The following ARHGAP6 variants were observed in gnomAD, a reference collection of about 807,000 sequenced individuals.
ARHGAP6 encodes Rho GTPase activating protein 6.
In ARHGAP6, 16 loss-of-function variants were observed where a neutral mutation model predicts 55.7. The ratio of observed to expected loss-of-function variants is 0.29; its 90% CI spans 0.19 to 0.44. ARHGAP6 has a LOEUF of 0.44. ARHGAP6 is among the 20% of genes least tolerant of loss of function. The pLI, the probability that ARHGAP6 is intolerant of heterozygous loss-of-function variation, is 1.00. For synonymous variants in ARHGAP6, 382 were observed against 360.9 expected (o/e 1.06, Z -0.66); for missense variants, 698 against 808.9 (o/e 0.86, Z 1.66).
chrX:11,542,474 C>T (rs1317335749), intron 1 of ARHGAP6, among the ~76,000 whole-genome samples: 2 of 96,053 alleles, frequency 2.1e-5, no homozygotes, highest in Non-Finnish European at 4.3e-5. Flanking sequence ...GACACCACCT[C>T]GATAAAAAGA....
chrX:11,646,487 T>C (rs753012411), intron 1 of ARHGAP6, among the ~76,000 whole-genome samples: 3 of 111,579 alleles, frequency 2.7e-5, no homozygotes, highest in Non-Finnish European at 3.8e-5. Flanking sequence ...GATTCCAAGG[T>C]TACAAAAATG....
chrX:11,396,004 T>C (rs1389853998), intron 1 of ARHGAP6, among the ~76,000 whole-genome samples: 1 of 111,341 alleles, frequency 9.0e-6, no homozygotes, highest in Non-Finnish European at 1.9e-5. Flanking sequence ...TATTTTCTCT[T>C]TTCTGTTCCA....
intron 1 of ARHGAP6, among the ~76,000 whole-genome samples, chrX:11,461,421 C>T (rs1204638081): frequency 8.9e-6 from 1 of 111,789 alleles, no homozygotes; most frequent in African/African-American, 3.3e-5. Flanking sequence ...GTGAGAGAGA[C>T]AGAAAGTGCT....
intron 1 of ARHGAP6, among the ~76,000 whole-genome samples, chrX:11,521,149 G>A (rs985011550): frequency 4.2e-4 from 47 of 112,076 alleles, no homozygotes; most frequent in African/African-American, 1.4e-3. Flanking sequence ...CTGGGCAGAA[G>A]TTCTTTAGTT....
chrX:11,516,590 T>C (rs1380746990), intron 1 of ARHGAP6, among the ~76,000 whole-genome samples: 4 of 112,403 alleles, frequency 3.6e-5, no homozygotes, highest in South Asian at 3.7e-4. Context: ...ATTTAACACA[T>C]ACCGTGATAA....
chrX:11,303,204 G>C (rs1350983503), intron 1 of ARHGAP6, among the ~76,000 whole-genome samples: 1 of 112,500 alleles, frequency 8.9e-6, no homozygotes, highest in Non-Finnish European at 1.9e-5. Context: ...TGAAATTCTT[G>C]TTAGTTGGAG....
At chrX:11,350,228 A>G (rs2048844813) in intron 1 of ARHGAP6, among the ~76,000 whole-genome samples, 1 of 111,920 alleles carries the variant, frequency 8.9e-6, no homozygotes. Context: ...ACTCCCTCAA[A>G]TATGTAACTA....
intron 1 of ARHGAP6, among the ~76,000 whole-genome samples, chrX:11,491,445 G>T (rs775853660): frequency 7.4e-5 from 8 of 108,603 alleles, no homozygotes; most frequent in South Asian, 4.2e-4. Flanking sequence ...TTCCCACCTA[G>T]GAGTGAGAAT....
Position 11,298,166 on chromosome X carries a change from C to T in ARHGAP6, c.589-43459G>A, listed in dbSNP as rs765286677. On this transcript the variant is annotated intron_variant, in intron 1 of 12. Transcript: ENST00000337414. ...ATTAGTGAGTCTATATTTCCTACTG[C>T]ATCAGTGAGTTTCTATATTGGATGA... The T allele has an allele frequency of 2.5e-6, 3 of 1,207,378 alleles. No homozygotes were observed. The Admixed American group carries it at 6.5e-5, about 26-fold the overall frequency.
chrX:11,361,975 C>G (rs1344976940), intron 1 of ARHGAP6, among the ~76,000 whole-genome samples: 44 of 111,524 alleles, frequency 3.9e-4, no homozygotes, highest in East Asian at 8.5e-4. Flanking sequence ...ACACCAGTTA[C>G]AATGGCAATC....
chrX:11,611,316 T>C (rs1226675046), intron 1 of ARHGAP6, among the ~76,000 whole-genome samples: 1 of 112,136 alleles, frequency 8.9e-6, no homozygotes, highest in Non-Finnish European at 1.9e-5. Flanking sequence ...TACAAGAGAA[T>C]AGAAGACCTT....
chrX:11,631,397 C>A (rs764403617), intron 1 of ARHGAP6, among the ~76,000 whole-genome samples: 1 of 109,660 alleles, frequency 9.1e-6, no homozygotes, highest in Non-Finnish European at 1.9e-5. Flanking sequence ...TGGTGGCAGG[C>A]GCCTGTAATC....
At chrX:11,330,433 T>C (rs767888226) in intron 1 of ARHGAP6, among the ~76,000 whole-genome samples, 20 of 111,903 alleles carry the variant, frequency 1.8e-4, no homozygotes, top group Admixed American at 1.5e-3. Context: ...TTTATTAATA[T>C]ATAATTTTAA....
chrX:11,525,874 C>T (rs1345412204), intron 1 of ARHGAP6, among the ~76,000 whole-genome samples: 1 of 111,267 alleles, frequency 9.0e-6, no homozygotes, highest in East Asian at 2.8e-4. Flanking sequence ...ACATGGGCCC[C>T]TCCATGAAGA....
chrX:11,176,261 A>ATT (rs1569242474), intron 8 of ARHGAP6, among the ~76,000 whole-genome samples: 4 of 72,627 alleles, frequency 5.5e-5, no homozygotes, highest in African/African-American at 1.4e-4. Flanking sequence ...ATATATATAT[A>ATT]TATTTGCATA....
chrX:11,530,786 T>G (rs960549884), intron 1 of ARHGAP6, among the ~76,000 whole-genome samples: 7 of 111,345 alleles, frequency 6.3e-5, no homozygotes, highest in Non-Finnish European at 1.1e-4. Context: ...TTGTTGAGTC[T>G]GAGGAACAGC....
intron 1 of ARHGAP6, among the ~76,000 whole-genome samples, chrX:11,396,342 C>T (rs1352049633): frequency 9.1e-6 from 1 of 110,415 alleles, no homozygotes; most frequent in East Asian, 2.9e-4. Flanking sequence ...ACTCACCCAG[C>T]ATGCCTGGTG....
At chrX:11,293,511 C>T (rs1038933852) in intron 1 of ARHGAP6, 6 of 111,866 alleles carry the variant, frequency 5.4e-5, no homozygotes, top group Non-Finnish European at 1.1e-4. Flanking sequence ...TTTTATTGTG[C>T]TTATTTCTTT....
intron 2 of ARHGAP6, among the ~76,000 whole-genome samples, chrX:11,214,144 A>G (rs1023387160): frequency 1.8e-5 from 2 of 110,747 alleles, no homozygotes; most frequent in African/African-American, 6.6e-5. Context: ...CTATGAATAT[A>G]AAAGGAAATA....
Sources: allele counts gnomAD v4.1 joint callset (sites outside exome capture counted in the v4.1 genomes callset), GRCh38; gene constraint gnomAD v4.1.1; transcripts MANE v1.5; gene names NCBI Gene and HGNC (gene_info 2026-07-23, HGNC 2026-07-21).